Variants in HDAC4 observed in about 807,000 individuals in gnomAD.
HDAC4 encodes the protein histone deacetylase 4, also known as histone deacetylase A.
In HDAC4, 16 loss-of-function variants were observed where a neutral mutation model predicts 135.1. The ratio of observed to expected loss-of-function variants is 0.12; its 90% CI spans 0.08 to 0.18. The LOEUF is 0.18. Among genes scored for constraint, HDAC4 ranks in the 10% least tolerant of loss-of-function variants. The pLI is 1.00. For missense variants in HDAC4, 1,143 were observed against 1,511.8 expected (o/e 0.76, Z 4.05); for synonymous variants, 685 against 653.4 (o/e 1.05, Z -0.74).
At chr2:239,107,865 C>G (rs957377956) in intron 15 of HDAC4, among the ~76,000 whole-genome samples, 185 bp downstream of exon 15, 1 of 152,228 alleles carries the variant, frequency 6.6e-6, no homozygotes, top group Admixed American at 6.5e-5. Context: ...GAGACAGCCC[C>G]GGGCTTCTCA....
chr2:239,378,104 G>A (rs74317676), intron 1 of HDAC4, among the ~76,000 whole-genome samples: 19,909 of 152,178 alleles, frequency 0.13, 1,526 homozygotes, highest in Non-Finnish European at 0.18. Context: ...AATGCCAGCG[G>A]CAGGTGGGTG....
chr2:239,124,629 T>A (rs1408791747), intron 12 of HDAC4, among the ~76,000 whole-genome samples: 1 of 132,656 alleles, frequency 7.5e-6, no homozygotes, highest in African/African-American at 3.2e-5. Context: ...CGTGCCGGCA[T>A]GTGGCCGCAC....
intron 24 of HDAC4, among the ~76,000 whole-genome samples, chr2:239,065,630 G>A (rs1262813083): frequency 6.6e-6 from 1 of 152,188 alleles, no homozygotes; most frequent in African/African-American, 2.4e-5. Context: ...GGCTGGGGAG[G>A]GCAGTCCCAG....
intron 2 of HDAC4, among the ~76,000 whole-genome samples, chr2:239,275,174 C>T (rs893595473): frequency 5.9e-5 from 9 of 152,304 alleles, no homozygotes; most frequent in South Asian, 4.1e-4. Flanking sequence ...CCGGAAGCCC[C>T]GTGGGCCGAA....
At chr2:239,271,699 T>C (rs1248538756) in intron 2 of HDAC4, among the ~76,000 whole-genome samples, 1 of 152,230 alleles carries the variant, frequency 6.6e-6, no homozygotes, top group African/African-American at 2.4e-5. Flanking sequence ...AGTCCAGTTC[T>C]GGACCCCGAA....
intron 12 of HDAC4, among the ~76,000 whole-genome samples, chr2:239,117,247 C>G (rs1239227797): frequency 6.6e-6 from 1 of 152,162 alleles, no homozygotes; most frequent in Non-Finnish European, 1.5e-5. Context: ...GAAGGGCACT[C>G]TGGGCTGAAA....
intron 9 of HDAC4, among the ~76,000 whole-genome samples, chr2:239,134,990 T>C (rs994901490): frequency 6.6e-6 from 1 of 152,236 alleles, no homozygotes; most frequent in African/African-American, 2.4e-5. Context: ...GTTTCTAGGA[T>C]AATATAGTTT....
rs1415636853 is a variant in HDAC4 at position 239,400,375 on chromosome 2, A to C, written c.-220+603T>G. 6.8e-6 allele frequency: 1 copy of C among 146,780 alleles called. No individual in the cohort carries two copies. Among genetic ancestry groups the C allele is most frequent in the Non-Finnish European group, 1.5e-5 (1 of 66,102 alleles). The allele number at this position is 146,780 out of a possible 1,614,324, so 9.1% of individuals were successfully genotyped here. A position where few individuals can be genotyped will look rare whatever the true frequency, so the allele number is the denominator to read the frequency against. ...CCTCACTCCCGGCGGCCCGGAGCCC[A>C]CCTGCTCGGGGGGCGCGGGCCCCGC... is the stretch of plus-strand genomic sequence containing the variant. On this transcript the variant is annotated intron_variant, in intron 1 of 26. Coordinates refer to ENST00000543185, the MANE Select transcript of HDAC4 (RefSeq NM_001378414.1). This position sits in a 1 kb window ranked among gnomAD's most constrained non-coding sequence, Gnocchi z 4.7.
At chr2:239,312,600 C>T (rs1424527393) in intron 2 of HDAC4, among the ~76,000 whole-genome samples, 2 of 152,192 alleles carry the variant, frequency 1.3e-5, no homozygotes. Flanking sequence ...AGTCACCTTT[C>T]CTCTATGCGT....
intron 2 of HDAC4, among the ~76,000 whole-genome samples, chr2:239,300,199 C>T (rs530093317): frequency 9.5e-4 from 144 of 152,280 alleles, no homozygotes; most frequent in African/African-American, 3.2e-3. Context: ...TACAAGCATC[C>T]CCTCTTTTTA....
At chr2:239,088,426 A>C (rs2036191212) in intron 18 of HDAC4, among the ~76,000 whole-genome samples, 1 of 152,202 alleles carries the variant, frequency 6.6e-6, no homozygotes, top group South Asian at 2.1e-4. Flanking sequence ...AAACGCTCTC[A>C]AGAGGCCCTG....
rs2049465895 is a variant in HDAC4, at chr2:239,262,984, C to A, written c.23-26320G>T. ...GCGTGAAGCCCCCGGGAAGCCAAGC[C>A]CCAGGAAGGGCCCATTATGCCGATG... On this transcript the variant is annotated intron_variant, in intron 2 of 26. Transcript: ENST00000543185. The surrounding 1 kb of genome is among the most constrained non-coding windows in gnomAD (Gnocchi z 4.1). Among the ~76,000 whole-genome samples the A allele has an allele frequency of 6.6e-6, 1 of 151,952 alleles. No homozygotes were observed. The highest frequency in any genetic ancestry group is 1.5e-5 in the Non-Finnish European group (1 of 67,998).
intron 3 of HDAC4, among the ~76,000 whole-genome samples, chr2:239,231,712 A>G (rs12712286): frequency 0.37 from 4,866 of 13,108 alleles, 1,123 homozygotes; most frequent in Non-Finnish European, 0.45. Flanking sequence ...CGTCCTCCCC[A>G]AAGCGCCCCT....
intron 2 of HDAC4, among the ~76,000 whole-genome samples, chr2:239,249,000 A>C (rs1259099655): frequency 1.3e-5 from 2 of 152,234 alleles, no homozygotes; most frequent in Non-Finnish European, 2.9e-5. Context: ...CGTAAATTAG[A>C]AGACCGTGTG....
intron 1 of HDAC4, among the ~76,000 whole-genome samples, chr2:239,398,565 C>G (rs534378987): frequency 8.4e-4 from 128 of 152,390 alleles, no homozygotes; most frequent in African/African-American, 2.7e-3. Context: ...TCAACGAGGT[C>G]TCTGGCCACA....
At chr2:239,060,862 G>A (rs2032591477) in intron 24 of HDAC4, among the ~76,000 whole-genome samples, 1 of 152,236 alleles carries the variant, frequency 6.6e-6, no homozygotes. Flanking sequence ...TTACAGAGGG[G>A]GCCCCAGGGA....
Position 239,090,093 on chromosome 2 carries a change from G to T in HDAC4, c.2304C>A (p.Asn768Lys), listed in dbSNP as rs372519097. The T allele has an allele frequency of 6.2e-7, 1 of 1,613,410 alleles. No individual in the cohort carries two copies. Residue 768 changes from asparagine (N) to lysine (K), a missense_variant, in exon 18 of 27, where the codon AAC (asparagine) becomes AAA (lysine). This residue lies in a region of HDAC4 where 49 missense variants were observed against 55.6 expected (regional missense o/e 0.88). Transcript: ENST00000543185. The stretch of plus-strand genomic sequence containing the variant: ...GGGCTGCCCCCGCCGAGTGCACCTC[G>T]TTCCATATGGTGTCACTGTCCACCT... ...GVGVDSDTIW[N>K]EVHSAGAARL...
At chr2:239,212,244 A>T (rs985317020) in intron 3 of HDAC4, among the ~76,000 whole-genome samples, 46 of 152,274 alleles carry the variant, frequency 3.0e-4, no homozygotes, top group African/African-American at 1.1e-3. Flanking sequence ...GACTTGGTTG[A>T]AAGGGTCTTT....
intron 2 of HDAC4, among the ~76,000 whole-genome samples, chr2:239,330,383 A>G (rs6543526): frequency 0.96 from 146,486 of 152,368 alleles, 70,462 homozygotes; most frequent in East Asian, 1. Flanking sequence ...AGGCCTGAGC[A>G]AGGGCCACTG....
Sources: allele counts gnomAD v4.1 joint callset (sites outside exome capture counted in the v4.1 genomes callset), GRCh38; gene constraint gnomAD v4.1.1; regional missense constraint gnomAD v4.1.1; non-coding constraint Gnocchi (gnomAD v3.1); transcripts MANE v1.5; gene names NCBI Gene and HGNC (gene_info 2026-07-23, HGNC 2026-07-21).